The following PRKN variants were observed in gnomAD, a reference collection of about 807,000 sequenced individuals.
PRKN encodes E3 ubiquitin-protein ligase parkin.
In PRKN, 56 loss-of-function variants were observed where a neutral mutation model predicts 59.5. That is an observed-to-expected ratio of 0.94 (90% CI 0.76 to 1.18). The LOEUF (loss-of-function observed/expected upper bound fraction) is 1.18, where lower values mean the gene tolerates loss of function less well. Ranked by LOEUF, PRKN falls within the 50% of genes most tolerant of loss-of-function variation. The pLI, the probability that PRKN is intolerant of heterozygous loss-of-function variation, is 0.00. For synonymous variants in PRKN, 250 were observed against 222.1 expected (o/e 1.13, Z -1.12); for missense variants, 657 against 596.4 (o/e 1.10, Z -1.06).
intron 11 of PRKN, among the ~76,000 whole-genome samples, chr6:161,358,169 C>T (rs958581212): frequency 4.6e-5 from 7 of 151,912 alleles, no homozygotes; most frequent in African/African-American, 1.7e-4. Context: ...TCAGGTTAGT[C>T]CTTTAGGATA....
intron 7 of PRKN, among the ~76,000 whole-genome samples, chr6:161,668,968 C>A (rs1330493097): frequency 6.6e-6 from 1 of 152,144 alleles, no homozygotes; most frequent in Non-Finnish European, 1.5e-5. Context: ...CTCCAAAATT[C>A]ATGTTAAAAC....
intron 4 of PRKN, among the ~76,000 whole-genome samples, chr6:162,161,582 C>A (rs115110859): frequency 2.0e-5 from 3 of 152,296 alleles, no homozygotes; most frequent in Admixed American, 6.5e-5. Context: ...CTTTGTCCGG[C>A]GTATCCACCC....
rs201276640 is a variant in PRKN, at chr6:162,184,969, TG to T, written c.534+16161del. Among the ~76,000 whole-genome samples, 213 of 151,988 alleles carry T rather than the reference TG, an allele frequency of 1.4e-3. 1 individual carries two copies. The highest frequency in any genetic ancestry group is 4.8e-3 in the African/African-American group (199 of 41,456). ...CAAAACTGTAATCTTAAAATAAGGG[TG>T]GGGGGGTGCTCCTGACTGCCTTGGT... is the stretch of plus-strand genomic sequence containing the variant. On this transcript the variant is annotated intron_variant, in intron 4 of 11. Coordinates refer to ENST00000366898, the MANE Select transcript of PRKN (RefSeq NM_004562.3).
At chr6:162,362,752 GTGAGGAA>G (rs1785207758) in intron 2 of PRKN, among the ~76,000 whole-genome samples, 9 of 152,068 alleles carry the variant, frequency 5.9e-5, no homozygotes, top group Admixed American at 6.6e-5. Flanking sequence ...GCCAGGGTAC[GTGAGGAA>G]GCCTCCTCTA....
intron 6 of PRKN, among the ~76,000 whole-genome samples, chr6:161,800,662 G>A (rs949193177): frequency 2.0e-5 from 3 of 152,168 alleles, no homozygotes; most frequent in Admixed American, 6.5e-5. Context: ...ATGAAGCCCC[G>A]TGAGGCTGTT....
chr6:162,522,799 G>GA (rs59617720), intron 1 of PRKN, among the ~76,000 whole-genome samples: 3,811 of 144,410 alleles, frequency 0.026, 111 homozygotes, highest in African/African-American at 0.074. Context: ...GAACTGATCA[G>GA]AAAAAAAAAA....
At chr6:162,103,059 A>G (rs1044409464) in intron 4 of PRKN, among the ~76,000 whole-genome samples, 2 of 151,284 alleles carry the variant, frequency 1.3e-5, no homozygotes, top group Non-Finnish European at 2.9e-5. Context: ...AAAAAAAAAA[A>G]GAAAAAAAGA....
At chr6:161,957,517 T>G (rs1780224413) in intron 6 of PRKN, among the ~76,000 whole-genome samples, 1 of 150,226 alleles carries the variant, frequency 6.7e-6, no homozygotes, top group Non-Finnish European at 1.5e-5. Context: ...CTCCACCTCC[T>G]GCGTTCAAGC....
chr6:161,805,478 A>ACACACACG (rs61442187), intron 6 of PRKN, among the ~76,000 whole-genome samples: 49 of 149,364 alleles, frequency 3.3e-4, no homozygotes, highest in African/African-American at 1.1e-3. Flanking sequence ...ACACACACAC[A>ACACACACG]CATGCATGTA....
chr6:161,543,218 TTTCA>T (rs1779679511), intron 9 of PRKN, among the ~76,000 whole-genome samples: 1 of 152,172 alleles, frequency 6.6e-6, no homozygotes, highest in African/African-American at 2.4e-5. Flanking sequence ...CAGACTCTCA[TTTCA>T]CTAAAACCTC....
At chr6:162,338,820 C>T (rs1313165001) in intron 2 of PRKN, among the ~76,000 whole-genome samples, 4 of 151,340 alleles carry the variant, frequency 2.6e-5, no homozygotes, top group African/African-American at 4.9e-5. Flanking sequence ...CGCCTCTTCC[C>T]GGCCACCATC....
chr6:162,034,186 T>TAGAGAGAGAGAGAG (rs71643580), intron 5 of PRKN, among the ~76,000 whole-genome samples: 10 of 133,286 alleles, frequency 7.5e-5, no homozygotes, highest in Non-Finnish European at 1.1e-4. Context: ...TATATATATA[T>TAGAGAGAGAGAGAG]AGAGAGAGAG....
chr6:161,733,781 A>ATATATATATATATAT (rs1380552060), intron 7 of PRKN, among the ~76,000 whole-genome samples: 1 of 74,064 alleles, frequency 1.4e-5, no homozygotes, highest in African/African-American at 1.3e-4. Flanking sequence ...AAAAAAAAAA[A>ATATATATATATATAT]AAATATATAT....
intron 10 of PRKN, among the ~76,000 whole-genome samples, chr6:161,368,164 A>C (rs970172807): frequency 1.3e-5 from 2 of 151,252 alleles, no homozygotes; most frequent in African/African-American, 2.4e-5. Context: ...AGTGGCTCAC[A>C]CCTGTAATCC....
chr6:162,578,700 C>G (rs888830889), intron 1 of PRKN, among the ~76,000 whole-genome samples: 1 of 152,158 alleles, frequency 6.6e-6, no homozygotes, highest in Non-Finnish European at 1.5e-5. Context: ...ATGTTTTGCT[C>G]TAAGCATTCT....
At chr6:162,043,160 GCATGGGAAAGACCAGCCAA>G in intron 5 of PRKN, among the ~76,000 whole-genome samples, 2 of 152,282 alleles carry the variant, frequency 1.3e-5, no homozygotes, top group South Asian at 4.1e-4. Context: ...CATGAGAATA[GCATGGGAAAGACCAGCCAA>G]CATGATTCAA....
At chr6:162,612,021 TA>T (rs1238141541) in intron 1 of PRKN, among the ~76,000 whole-genome samples, 4 of 139,286 alleles carry the variant, frequency 2.9e-5, no homozygotes, top group Non-Finnish European at 4.7e-5. Context: ...CCGTCTCTAC[TA>T]AAAATACGAA....
chr6:161,920,705 G>T (rs62435963), intron 6 of PRKN, among the ~76,000 whole-genome samples: 2 of 151,248 alleles, frequency 1.3e-5, no homozygotes, highest in South Asian at 2.1e-4. Flanking sequence ...CAGGAGAATC[G>T]CTTGAACCCA....
chr6:161,771,172 C>T (rs918588128), intron 7 of PRKN, among the ~76,000 whole-genome samples: 7 of 151,552 alleles, frequency 4.6e-5, no homozygotes, highest in Admixed American at 6.6e-5. Flanking sequence ...CTGGCTAACA[C>T]GGTGAAACCC....
Sources: gnomAD v4.1 joint callset for allele counts (sites outside exome capture counted in the v4.1 genomes callset) on GRCh38, gnomAD v4.1.1 for gene constraint, MANE v1.5 for transcripts, NCBI Gene and HGNC (gene_info 2026-07-23, HGNC 2026-07-21) for gene names.